ICE1: variants seen among roughly 807,000 people sequenced by gnomAD.
ICE1 encodes the protein interactor of little elongation complex ELL subunit 1.
ICE1 carries 64 observed loss-of-function variants against 192.7 expected under a neutral mutation model. That is an observed-to-expected ratio of 0.33 (90% CI 0.27 to 0.41). ICE1 has a LOEUF of 0.41. Among genes scored for constraint, ICE1 ranks in the 10% least tolerant of loss-of-function variants. The pLI is 1.00. For synonymous variants in ICE1, 1,010 were observed against 984.5 expected, an observed-to-expected ratio of 1.03 and a Z score of -0.49; for missense variants, 2,708 against 2,696.0, an observed-to-expected ratio of 1.00 and a Z score of -0.10.
chr5:5,434,341 T>C (rs1241151913), intron 1 of ICE1, among the ~76,000 whole-genome samples: 1 of 152,176 alleles, frequency 6.6e-6, no homozygotes, highest in Non-Finnish European at 1.5e-5. Flanking sequence ...GCAAATGAAA[T>C]GTAGGCATGA....
At position 5,466,446 on chromosome 5, in the gene ICE1, G is replaced by T. The variant is rs1414250302; in HGVS notation, c.6005G>T (p.Arg2002Leu). The T allele has an allele frequency of 1.2e-6, 2 of 1,613,074 alleles. No homozygotes were observed. The highest frequency in any genetic ancestry group is 1.7e-6 in the Non-Finnish European group (2 of 1,179,584). ...TGCAGGGTGTATGTGGGTATTTGTC[G>T]GCAACTCGGAGACTTGGAAAGAGCT... ...ALCRVYVGIC[R>L]QLGDLERARL... The change falls in exon 14 of 19, where the codon CGG becomes CTG. Residue 2002 changes from arginine (R) to leucine (L), a missense_variant. By Grantham distance (102) the Arg-to-Leu change is moderately radical. This residue lies in a region of ICE1 where 342 missense variants were observed against 419.3 expected (regional missense o/e 0.82). Coordinates refer to ENST00000296564, the MANE Select transcript of ICE1 (RefSeq NM_015325.3).
chr5:5,481,431 T>C (rs966484930), intron 17 of ICE1, among the ~76,000 whole-genome samples: 2 of 152,206 alleles, frequency 1.3e-5, no homozygotes, highest in African/African-American at 4.8e-5. Context: ...GAGGGTCAGC[T>C]GTACCTGTGA....
Position 5,464,965 on chromosome 5 carries a change from A to C in ICE1, c.5631A>C (p.Pro1877=), listed in dbSNP as rs1455288883. Residue 1877 remains proline (P), a synonymous_variant, in exon 13 of 19, where the codon CCA becomes CCC. Coordinates refer to ENST00000296564, the MANE Select transcript of ICE1 (RefSeq NM_015325.3). The surrounding 1 kb of genome is among the most constrained non-coding windows in gnomAD (Gnocchi z 4.0). ...IHKNLPGNLP[P]AEVATTNEER... is the part of the protein sequence containing the mutation. ...AAAACCTCCCAGGGAACCTCCCTCC[A>C]GCTGAAGTTGCAACAACAAATGAGG... 2 of 1,613,696 alleles carry C rather than the reference A, an allele frequency of 1.2e-6. No individual in the cohort carries two copies. The highest frequency in any genetic ancestry group is 1.7e-6 in the Non-Finnish European group (2 of 1,179,800).
In ICE1 at chr5:5,453,652, C is replaced by T. The variant is rs535380368; in HGVS notation, c.605-900C>T. On this transcript the variant is annotated intron_variant, in intron 10 of 18. Coordinates refer to ENST00000296564, the MANE Select transcript of ICE1 (RefSeq NM_015325.3). ...AGCTACTTTTAGTTGAATTTTAATT[C>T]GTGTGGGTTGTCTTTTTATGCACAT... 9.2e-5 allele frequency among the ~76,000 whole-genome samples: 14 copies of T among 152,164 alleles called. No individual in the cohort carries two copies. In the Middle Eastern group the frequency reaches 0.01, roughly 111 times the overall value.
At chr5:5,426,993 C>T (rs997427259) in intron 1 of ICE1, among the ~76,000 whole-genome samples, 1 of 152,204 alleles carries the variant, frequency 6.6e-6, no homozygotes, top group African/African-American at 2.4e-5. Flanking sequence ...GTTGTGACTT[C>T]ATTCTGAACT....
rs1158407360 is a variant in ICE1, at chr5:5,454,550, AG to A, written c.605del. 6.2e-7 allele frequency: 1 copy of A among 1,609,786 alleles called. No homozygotes were observed. The highest frequency in any genetic ancestry group is 1.7e-5 in the Admixed American group (1 of 59,864). ...ACTTTAATGCTTTGCTCTGTTTCACAGGAAAAGTGAAACTGCTTCTGAAGGA... is the reference window on the plus strand; with the variant it reads ...ACTTTAATGCTTTGCTCTGTTTCACAGAAAAGTGAAACTGCTTCTGAAGGA... On this transcript the variant is annotated splice_acceptor_variant, in intron 10 of 18. Transcript: ENST00000296564. LOFTEE classifies it high-confidence loss of function.
rs1737357276 is a variant in ICE1, at chr5:5,423,009, C to T, written c.84+10C>T. ...CGCCTCTCTGCAGCAGGTGCAGCACCTCCCGGGGCCCCGGGCGCGGGGGGG... is the reference window on the plus strand; with the variant it reads ...CGCCTCTCTGCAGCAGGTGCAGCACTTCCCGGGGCCCCGGGCGCGGGGGGG... On this transcript the variant is annotated intron_variant, in intron 1 of 18. Coordinates refer to ENST00000296564, the MANE Select transcript of ICE1 (RefSeq NM_015325.3). 2.2e-6 allele frequency: 3 copies of T among 1,386,226 alleles called. No individual in the cohort carries two copies. The highest frequency in any genetic ancestry group is 3.0e-5 in the African/African-American group (2 of 66,518). The allele number at this position is 1,386,226 out of a possible 1,614,324, so 85.9% of individuals were successfully genotyped here. A position where few individuals can be genotyped will look rare whatever the true frequency, so the allele number is the denominator to read the frequency against.
At chr5:5,471,578 A>C (rs1227973936) in intron 15 of ICE1, among the ~76,000 whole-genome samples, 1 of 152,180 alleles carries the variant, frequency 6.6e-6, no homozygotes, top group Non-Finnish European at 1.5e-5. Context: ...TTCAAAGAAT[A>C]ATACTTTATA....
At chr5:5,466,563 T>C in intron 14 of ICE1, 61 bp downstream of exon 14, 1 of 1,347,890 alleles carries the variant, frequency 7.4e-7, no homozygotes, top group Non-Finnish European at 1.0e-6. Context: ...TCCCTTATAC[T>C]GGAGTCTATA....
intron 1 of ICE1, among the ~76,000 whole-genome samples, chr5:5,431,554 C>G (rs563390102): frequency 6.6e-6 from 1 of 152,186 alleles, no homozygotes; most frequent in African/African-American, 2.4e-5. Context: ...AGAATTTTAT[C>G]TTGGAATTAC....
At chr5:5,428,585 G>T (rs1386487695) in intron 1 of ICE1, among the ~76,000 whole-genome samples, 1 of 152,116 alleles carries the variant, frequency 6.6e-6, no homozygotes, top group African/African-American at 2.4e-5. Context: ...ATCATTGTCT[G>T]CACACATACA....
chr5:5,432,912 G>T (rs192641854), intron 1 of ICE1, among the ~76,000 whole-genome samples: 3 of 152,164 alleles, frequency 2.0e-5, no homozygotes, highest in African/African-American at 7.2e-5. Flanking sequence ...TCTGTCTCAT[G>T]TTTGGAAGTC....
chr5:5,486,294 A>G (rs149581032), intron 17 of ICE1, among the ~76,000 whole-genome samples: 189 of 152,344 alleles, frequency 1.2e-3, no homozygotes, highest in Non-Finnish European at 2.1e-3. Context: ...ATCAGACCAC[A>G]TGTCAGCACT....
intron 7 of ICE1, 21 bp from the exon 8 acceptor site, chr5:5,447,406 A>C: frequency 6.7e-7 from 1 of 1,496,462 alleles, no homozygotes; most frequent in East Asian, 2.5e-5. Context: ...TTCTCTCCCT[A>C]TTGCTTCATT....
chr5:5,463,673 G>GAT lies in ICE1; in HGVS notation c.4340_4341insTA (p.Ile1448ThrfsTer18). The GAT allele has an allele frequency of 6.2e-7, 1 of 1,613,950 alleles. No individual in the cohort carries two copies. The highest frequency in any genetic ancestry group is 8.5e-7 in the Non-Finnish European group (1 of 1,179,854). ...GGTCACACTGTGTGACATTCCTGGA[G>GAT]ACATCCCTATTTCTCAGGATCAAGG... On this transcript the variant is annotated frameshift_variant, in exon 13 of 19. Transcript: ENST00000296564. LOFTEE classifies it high-confidence loss of function.
intron 5 of ICE1, 34 bp from the exon 6 acceptor site, chr5:5,443,134 T>G (rs1021258246): frequency 8.0e-7 from 1 of 1,246,388 alleles, no homozygotes. Flanking sequence ...TGACTTTCAT[T>G]TTGACAATAT....
At position 5,489,942 on chromosome 5, in the gene ICE1, A is replaced by G. The variant is rs1739748876; in HGVS notation, c.*612A>G. 6.6e-6 allele frequency: 1 copy of G among 152,242 alleles called. No homozygotes were observed. The highest frequency in any genetic ancestry group is 2.4e-5 in the African/African-American group (1 of 41,454). The allele number at this position is 152,242 out of a possible 1,614,324, so 9.4% of individuals were successfully genotyped here. A position where few individuals can be genotyped will look rare whatever the true frequency, so the allele number is the denominator to read the frequency against. ...AAATATGTGACAATGCATCAGGAAG[A>G]GGAGAACTGAAGAGTAGAAGTTCCC... On this transcript the variant is annotated 3_prime_UTR_variant, in exon 19 of 19. Coordinates refer to ENST00000296564, the MANE Select transcript of ICE1 (RefSeq NM_015325.3).
chr5:5,466,459 C>A lies in ICE1; in HGVS notation c.6018C>A (p.Asp2006Glu). Residue 2006 changes from aspartate (D) to glutamate (E), a missense_variant, in exon 14 of 19, where the codon GAC becomes GAA. This residue lies in a region of ICE1 where 342 missense variants were observed against 419.3 expected (regional missense o/e 0.82). Coordinates refer to ENST00000296564, the MANE Select transcript of ICE1 (RefSeq NM_015325.3). ...VYVGICRQLG[D>E]LERARLFCYS... The stretch of plus-strand genomic sequence containing the variant: ...TGGGTATTTGTCGGCAACTCGGAGA[C>A]TTGGAAAGAGCTCGTTTGTTTTGCT... 6.2e-7 allele frequency: 1 copy of A among 1,612,798 alleles called. No individual in the cohort carries two copies. The highest frequency in any genetic ancestry group is 8.5e-7 in the Non-Finnish European group (1 of 1,179,556).
chr5:5,443,806 G>A (rs1738121829), intron 6 of ICE1, among the ~76,000 whole-genome samples: 1 of 152,194 alleles, frequency 6.6e-6, no homozygotes, highest in Non-Finnish European at 1.5e-5. Flanking sequence ...TAGATGTAAT[G>A]AAGCAGTGAC....
Sources: gnomAD v4.1 joint callset for allele counts (sites outside exome capture counted in the v4.1 genomes callset) on GRCh38, gnomAD v4.1.1 for gene constraint, gnomAD v4.1.1 regional missense constraint, Gnocchi (gnomAD v3.1) non-coding constraint, MANE v1.5 for transcripts, NCBI Gene and HGNC (gene_info 2026-07-23, HGNC 2026-07-21) for gene names.